Variants in HECTD2 observed in about 807,000 individuals in gnomAD.
The protein encoded by HECTD2 is probable E3 ubiquitin-protein ligase HECTD2.
Under a neutral mutation model 103.2 loss-of-function variants are expected in HECTD2, and 35 were observed. The observed-to-expected ratio is 0.34, with a 90% CI of 0.26 to 0.45. The LOEUF (loss-of-function observed/expected upper bound fraction) is 0.45. Ranked by LOEUF, HECTD2 falls within the 20% of genes least tolerant of loss-of-function variation. HECTD2 has a pLI of 1.00. For missense variants in HECTD2, 596 were observed against 937.4 expected, an observed-to-expected ratio of 0.64 and a Z score of 4.76; for synonymous variants, 281 against 329.9, an observed-to-expected ratio of 0.85 and a Z score of 1.61.
At chr10:91,420,552 C>G (rs1341226945) in intron 1 of HECTD2, among the ~76,000 whole-genome samples, 1 of 150,610 alleles carries the variant, frequency 6.6e-6, no homozygotes, top group Non-Finnish European at 1.5e-5. Context: ...CGTGCCACTG[C>G]ACTCCAGCCT....
At chr10:91,416,307 G>GA (rs1026711046) in intron 1 of HECTD2, among the ~76,000 whole-genome samples, 2 of 152,060 alleles carry the variant, frequency 1.3e-5, no homozygotes, top group African/African-American at 4.8e-5. Flanking sequence ...AAAACATTTA[G>GA]AAAAAAACCT....
chr10:91,500,374 T>G, intron 18 of HECTD2, 128 bp from the exon 19 acceptor site: 27 of 420,422 alleles, frequency 6.4e-5, no homozygotes, highest in Non-Finnish European at 8.3e-5. Flanking sequence ...CGATTTTTCT[T>G]CAACAAAAAT....
At chr10:91,423,027 G>A (rs1048027064) in intron 1 of HECTD2, among the ~76,000 whole-genome samples, 1 of 152,078 alleles carries the variant, frequency 6.6e-6, no homozygotes, top group African/African-American at 2.4e-5. Context: ...ATATTCTCTG[G>A]TTAGGTGAAT....
chr10:91,496,210 A>G lies in HECTD2; in HGVS notation c.1522-4A>G, dbSNP rs1316773605. The G allele has an allele frequency of 1.9e-6, 3 of 1,601,626 alleles. No homozygotes were observed. Among genetic ancestry groups the G allele is most frequent in the African/African-American group, 2.7e-5 (2 of 74,512 alleles). On this transcript the variant is annotated splice_region_variant and splice_polypyrimidine_tract_variant and intron_variant, in intron 14 of 20. Transcript: ENST00000298068. Reference sequence around the variant, plus strand: ...TGTTAATGCTTAACATTTAGTATGCATAGCTTATGGGACTAGCTGTTTATA... The same window carrying G: ...TGTTAATGCTTAACATTTAGTATGCGTAGCTTATGGGACTAGCTGTTTATA...
At chr10:91,478,420 C>A (rs1845983222) in intron 6 of HECTD2, among the ~76,000 whole-genome samples, 155 bp downstream of exon 6, 1 of 152,116 alleles carries the variant, frequency 6.6e-6, no homozygotes, top group Non-Finnish European at 1.5e-5. Context: ...CCATTTACAA[C>A]AAAGCTGTAT....
At chr10:91,465,587 T>A (rs930025718) in intron 5 of HECTD2, among the ~76,000 whole-genome samples, 1 of 151,886 alleles carries the variant, frequency 6.6e-6, no homozygotes, top group South Asian at 2.1e-4. Flanking sequence ...ATGTTCTTCA[T>A]CAAGTTGAGG....
chr10:91,476,364 G>A (rs1444017554), intron 5 of HECTD2, among the ~76,000 whole-genome samples: 2 of 152,156 alleles, frequency 1.3e-5, no homozygotes, highest in Admixed American at 6.5e-5. Context: ...GAAGCCCAGA[G>A]CTCCAGGATC....
intron 1 of HECTD2, among the ~76,000 whole-genome samples, chr10:91,415,756 A>C (rs1843102681): frequency 6.6e-6 from 1 of 152,232 alleles, no homozygotes; most frequent in South Asian, 2.1e-4. Flanking sequence ...CATGTTGTCC[A>C]GTAACAAATT....
intron 2 of HECTD2, among the ~76,000 whole-genome samples, chr10:91,454,741 C>T (rs1844998651): frequency 6.6e-6 from 1 of 151,882 alleles, no homozygotes; most frequent in South Asian, 2.1e-4. Flanking sequence ...CACAACAGGC[C>T]CCAGTGTGTA....
chr10:91,504,741 G>A (rs1190410143), intron 20 of HECTD2, among the ~76,000 whole-genome samples: 6 of 151,704 alleles, frequency 4.0e-5, no homozygotes, highest in African/African-American at 1.5e-4. Context: ...AATCTAGCAA[G>A]GCAGGCCAAC....
chr10:91,493,021 A>G (rs1404714006), intron 13 of HECTD2, among the ~76,000 whole-genome samples: 2 of 151,748 alleles, frequency 1.3e-5, no homozygotes, highest in African/African-American at 4.8e-5. Context: ...TTTCTTTTCT[A>G]TATGTGTATG....
intron 2 of HECTD2, among the ~76,000 whole-genome samples, chr10:91,451,306 G>A (rs981250019): frequency 1.3e-5 from 2 of 152,106 alleles, no homozygotes; most frequent in African/African-American, 2.4e-5. Context: ...TCACTCATAA[G>A]TGGGAGTTGA....
rs1287422202 is a variant in HECTD2, at chr10:91,514,750, A to G, written c.*2366A>G. The G allele has an allele frequency of 3.3e-5, 5 of 152,602 alleles. No homozygotes were observed. The highest frequency in any genetic ancestry group is 6.6e-5 in the Admixed American group (1 of 15,266). The allele number at this position is 152,602 out of a possible 1,614,324, so 9.5% of individuals were successfully genotyped here. ...ATGCAATTTTTCAAATATTAAAATT[A>G]TACAGTCAGTCAGGCTTCAGTTTAT... On this transcript the variant is annotated 3_prime_UTR_variant, in exon 21 of 21. Coordinates refer to ENST00000298068, the MANE Select transcript of HECTD2 (RefSeq NM_182765.6).
At chr10:91,488,202 A>T (rs1269711008) in intron 11 of HECTD2, 2 of 153,286 alleles carry the variant, frequency 1.3e-5, no homozygotes, top group African/African-American at 4.8e-5. Flanking sequence ...AAAAATTAGA[A>T]AATGTAACAA....
rs1846200877 is a variant in HECTD2, at chr10:91,484,566, G to A, written c.881G>A (p.Arg294His). ...VERLLQFISL[R>H]LFPAKPEEFP... Reference sequence around the variant, plus strand: ...AGATTGCTGCAATTTATTTCTTTACGCCTGTTTCCTGCAAAGCCTGAAGAA... The same window carrying A: ...AGATTGCTGCAATTTATTTCTTTACACCTGTTTCCTGCAAAGCCTGAAGAA... The change falls in exon 9 of 21, where the codon CGC (arginine) becomes CAC (histidine). Residue 294 changes from arginine (R) to histidine (H), a missense_variant. Physicochemically the swap from Arg to His is conservative, Grantham distance 29. Around this residue, in one of 4 missense-constraint regions of HECTD2, gnomAD observed 303 missense variants for 522.5 expected, o/e 0.58. Transcript: ENST00000298068. The A allele has an allele frequency of 3.1e-6, 5 of 1,611,784 alleles. No individual in the cohort carries two copies. The highest frequency in any genetic ancestry group is 1.7e-4 in the Middle Eastern group (1 of 6,056).
At chr10:91,421,719 A>G (rs944563032) in intron 1 of HECTD2, among the ~76,000 whole-genome samples, 1 of 152,190 alleles carries the variant, frequency 6.6e-6, no homozygotes, top group Non-Finnish European at 1.5e-5. Flanking sequence ...TGGTTCCTTT[A>G]GTAGTTACTC....
intron 19 of HECTD2, 51 bp from the exon 20 acceptor site, chr10:91,501,140 A>G (rs1229817688): frequency 6.0e-6 from 9 of 1,500,938 alleles, no homozygotes; most frequent in African/African-American, 2.8e-5. Flanking sequence ...TTACTTTATT[A>G]TAGGATTTTT....
chr10:91,489,472 T>C (rs1010397759), intron 11 of HECTD2: 1 of 152,188 alleles, frequency 6.6e-6, no homozygotes, highest in Non-Finnish European at 1.5e-5. Context: ...TGTCAAGAAT[T>C]GTATCATTGT....
intron 2 of HECTD2, among the ~76,000 whole-genome samples, chr10:91,435,441 G>C (rs1470514717): frequency 1.3e-5 from 2 of 151,978 alleles, no homozygotes; most frequent in Admixed American, 6.6e-5. Flanking sequence ...CCGCTGGCAA[G>C]CCAGGAATAA....
Sources: allele counts gnomAD v4.1 joint callset (sites outside exome capture counted in the v4.1 genomes callset), GRCh38; gene constraint gnomAD v4.1.1; regional missense constraint gnomAD v4.1.1; transcripts MANE v1.5; gene names NCBI Gene and HGNC (gene_info 2026-07-23, HGNC 2026-07-21).